The following ST18 variants were observed in gnomAD, a reference collection of about 807,000 sequenced individuals.
ST18 encodes the protein suppression of tumorigenicity 18 protein.
Under a neutral mutation model 110.0 loss-of-function variants are expected in ST18, and 50 were observed. The observed-to-expected ratio is 0.45, with a 90% CI of 0.36 to 0.58. ST18 has a LOEUF of 0.58. Among genes scored for constraint, ST18 ranks in the 20% least tolerant of loss-of-function variants. The probability of loss-of-function intolerance (pLI) is 0.00; values close to 1 mark genes in which losing one functional copy is unlikely to be tolerated. For missense variants in ST18, 1,306 were observed against 1,280.1 expected (o/e 1.02, Z -0.31); for synonymous variants, 461 against 452.4 (o/e 1.02, Z -0.24).
chr8:52,155,739 A>G (rs566944833), intron 15 of ST18, among the ~76,000 whole-genome samples: 1 of 152,316 alleles, frequency 6.6e-6, no homozygotes, highest in South Asian at 2.1e-4. Context: ...CTCTGCTCCT[A>G]TGATCTTCTA....
intron 8 of ST18, 24 bp from the exon 9 acceptor site, chr8:52,180,336 G>T (rs1276166995): frequency 1.1e-5 from 18 of 1,611,528 alleles, no homozygotes; most frequent in Non-Finnish European, 1.5e-5. Context: ...GGAAAATTAA[G>T]AATATGGTAA....
intron 2 of ST18, among the ~76,000 whole-genome samples, chr8:52,266,024 T>C (rs2094856048): frequency 1.3e-5 from 2 of 152,150 alleles, no homozygotes; most frequent in African/African-American, 2.4e-5. Context: ...AAGGAACACG[T>C]GGTTAACTGT....
At chr8:52,233,101 A>G (rs2091864512) in intron 2 of ST18, among the ~76,000 whole-genome samples, 1 of 152,214 alleles carries the variant, frequency 6.6e-6, no homozygotes, top group Admixed American at 6.5e-5. Context: ...ATAATATCAC[A>G]AATAAAAAAA....
intron 2 of ST18, among the ~76,000 whole-genome samples, chr8:52,285,862 T>C (rs2095464147): frequency 6.6e-6 from 1 of 152,226 alleles, no homozygotes; most frequent in African/African-American, 2.4e-5. Context: ...GTTACTTCTC[T>C]TTGCCTTATA....
In ST18 at chr8:52,133,183, C is replaced by G. The variant is rs201728888; in HGVS notation, c.2364-46G>C. 11 of 1,614,072 alleles carry G rather than the reference C, an allele frequency of 6.8e-6. No individual in the cohort carries two copies. The African/African-American group carries it at 1.1e-4, about 16-fold the overall frequency. On this transcript the variant is annotated intron_variant, in intron 20 of 25. Coordinates refer to ENST00000689386, the MANE Select transcript of ST18 (RefSeq NM_001352837.2). The stretch of plus-strand genomic sequence containing the variant: ...AGAACAAAGCAAAATTATGTGATCT[C>G]TCTGACTGCTGCCGACAAGCTCATT...
intron 8 of ST18, among the ~76,000 whole-genome samples, chr8:52,188,452 G>A (rs1425503540): frequency 1.3e-5 from 2 of 152,194 alleles, no homozygotes; most frequent in Non-Finnish European, 2.9e-5. Context: ...AAAGGCTCAG[G>A]CACAGTGAAG....
At position 52,172,576 on chromosome 8, in the gene ST18, G is replaced by A; in HGVS notation, c.285C>T (p.Ile95=). ...GACTTTCATCCATAGGTTTTATCAT[G>A]ATTTCCTCTATGGAAAAAGAAAACC... ...ETHGHSTAEE[I]MIKPMDESLL... is the part of the protein sequence containing the mutation. Residue 95 remains isoleucine (I), a synonymous_variant, in exon 10 of 26, where the codon ATC becomes ATT. Coordinates refer to ENST00000689386, the MANE Select transcript of ST18 (RefSeq NM_001352837.2). 1 of 1,560,426 alleles carries A rather than the reference G, an allele frequency of 6.4e-7. No homozygotes were observed. The highest frequency in any genetic ancestry group is 8.6e-7 in the Non-Finnish European group (1 of 1,158,874).
At chr8:52,316,162 T>C (rs954863016) in intron 2 of ST18, among the ~76,000 whole-genome samples, 1 of 152,202 alleles carries the variant, frequency 6.6e-6, no homozygotes, top group African/African-American at 2.4e-5. Flanking sequence ...AATCTCACAG[T>C]GTGAATATAC....
intron 2 of ST18, among the ~76,000 whole-genome samples, chr8:52,279,879 G>A (rs1009627028): frequency 2.0e-5 from 3 of 152,156 alleles, no homozygotes; most frequent in Admixed American, 6.5e-5. Context: ...TACTTCAGGA[G>A]GAAAGAGATC....
At chr8:52,222,339 A>T (rs866021309) in intron 3 of ST18, among the ~76,000 whole-genome samples, 1 of 152,218 alleles carries the variant, frequency 6.6e-6, no homozygotes, top group South Asian at 2.1e-4. Flanking sequence ...AACTTTCTTC[A>T]GTGGTTAGTT....
intron 2 of ST18, among the ~76,000 whole-genome samples, chr8:52,289,922 C>CTTT (rs113405109): frequency 2.7e-5 from 4 of 146,434 alleles, no homozygotes; most frequent in Non-Finnish European, 6.0e-5. Flanking sequence ...CTGATTATAC[C>CTTT]TTTTTTTTTT....
At chr8:52,180,823 G>T (rs189464103) in intron 8 of ST18, among the ~76,000 whole-genome samples, 1 of 152,202 alleles carries the variant, frequency 6.6e-6, no homozygotes. Flanking sequence ...GAGCAAGGGG[G>T]CTAGCTATGA....
At chr8:52,122,636 C>T (rs1380126564) in intron 23 of ST18, among the ~76,000 whole-genome samples, 1 of 152,050 alleles carries the variant, frequency 6.6e-6, no homozygotes, top group Non-Finnish European at 1.5e-5. Context: ...GAGCCTGCCA[C>T]CACACTCAGC....
chr8:52,253,225 T>A (rs573499385), intron 2 of ST18, among the ~76,000 whole-genome samples: 1 of 151,982 alleles, frequency 6.6e-6, no homozygotes, highest in Admixed American at 6.6e-5. Flanking sequence ...TCCACATGTA[T>A]CAAAGTAAGC....
rs575967340 is a variant in ST18, at chr8:52,244,125, C to T, written c.-464-14048G>A. Among the ~76,000 whole-genome samples the T allele has an allele frequency of 2.6e-4, 40 of 152,258 alleles. 1 individual carries two copies. The East Asian group carries it at 3.1e-3, about 12-fold the overall frequency. On this transcript the variant is annotated intron_variant, in intron 2 of 25. Transcript: ENST00000689386. ...GCATTGGGTATGGAACTTCACCAAA[C>T]TTCAAATGTTTACAGTGGCAAAGAC... is the stretch of plus-strand genomic sequence containing the variant.
intron 2 of ST18, among the ~76,000 whole-genome samples, chr8:52,375,363 G>A (rs994841207): frequency 2.0e-5 from 3 of 152,024 alleles, no homozygotes; most frequent in African/African-American, 7.2e-5. Flanking sequence ...CTCCCATGAG[G>A]CTTCCCTTAG....
chr8:52,362,531 G>A (rs1826145471), intron 2 of ST18, among the ~76,000 whole-genome samples: 1 of 152,080 alleles, frequency 6.6e-6, no homozygotes, highest in Non-Finnish European at 1.5e-5. Flanking sequence ...ACAAACATAG[G>A]ATTATTGGGG....
chr8:52,339,955 T>C (rs893884504), intron 2 of ST18, among the ~76,000 whole-genome samples: 10 of 152,264 alleles, frequency 6.6e-5, no homozygotes, highest in African/African-American at 2.4e-4. Flanking sequence ...CACTGCTGTT[T>C]TCCGTAAGTT....
chr8:52,282,936 G>A (rs1026006118), intron 2 of ST18, among the ~76,000 whole-genome samples: 10 of 152,204 alleles, frequency 6.6e-5, no homozygotes, highest in Middle Eastern at 3.4e-3. Flanking sequence ...TGTGATGTGC[G>A]CTTTTAAAGA....
Sources: allele counts gnomAD v4.1 joint callset (sites outside exome capture counted in the v4.1 genomes callset), GRCh38; gene constraint gnomAD v4.1.1; transcripts MANE v1.5; gene names NCBI Gene and HGNC (gene_info 2026-07-23, HGNC 2026-07-21).